Variants in PSMA1 observed in about 807,000 individuals in gnomAD.
PSMA1 encodes the protein proteasome 20S subunit alpha 1.
In PSMA1, 3 loss-of-function variants were observed where a neutral mutation model predicts 38.4. The observed-to-expected ratio is 0.08, with a 90% CI of 0.04 to 0.20. The LOEUF is 0.20. PSMA1 is among the 10% of genes least tolerant of loss of function. PSMA1 has a pLI of 1.00. For synonymous variants in PSMA1, 101 were observed against 107.1 expected, an observed-to-expected ratio of 0.94 and a Z score of 0.35; for missense variants, 227 against 325.3, an observed-to-expected ratio of 0.70 and a Z score of 2.32.
chr11:14,517,487 A>G (rs1407044593), intron 4 of PSMA1, among the ~76,000 whole-genome samples, 155 bp downstream of exon 4: 1 of 152,246 alleles, frequency 6.6e-6, no homozygotes, highest in African/African-American at 2.4e-5. Context: ...AAAATGGAAA[A>G]TTTAATAACA....
At chr11:14,635,691 C>A (rs1409345534) in intron 1 of PSMA1, among the ~76,000 whole-genome samples, 2 of 152,064 alleles carry the variant, frequency 1.3e-5, no homozygotes, top group Non-Finnish European at 2.9e-5. Flanking sequence ...CCATCGGAAT[C>A]TTTTCAAAAG....
chr11:14,553,438 CA>C (rs1202339340), intron 2 of PSMA1, among the ~76,000 whole-genome samples: 1 of 152,130 alleles, frequency 6.6e-6, no homozygotes, highest in Non-Finnish European at 1.5e-5. Context: ...TTTATTACTA[CA>C]AATATCCCAA....
chr11:14,546,312 AC>A (rs1370012394), intron 2 of PSMA1, among the ~76,000 whole-genome samples: 1 of 151,552 alleles, frequency 6.6e-6, no homozygotes, highest in African/African-American at 2.4e-5. Flanking sequence ...TTTTTTCTCC[AC>A]CCTGCCCCCC....
At chr11:14,614,487 C>T (rs937734195) in intron 1 of PSMA1, among the ~76,000 whole-genome samples, 4 of 151,998 alleles carry the variant, frequency 2.6e-5, no homozygotes, top group African/African-American at 9.7e-5. Context: ...TTCTACTGTT[C>T]ATTGCCAACT....
At chr11:14,632,081 C>G (rs1342649147) in intron 1 of PSMA1, among the ~76,000 whole-genome samples, 1 of 137,964 alleles carries the variant, frequency 7.2e-6, no homozygotes, top group African/African-American at 2.8e-5. Flanking sequence ...AGATGGGTTT[C>G]CTGAATACAG....
At chr11:14,531,353 C>T (rs993657158) in intron 2 of PSMA1, among the ~76,000 whole-genome samples, 3 of 152,088 alleles carry the variant, frequency 2.0e-5, no homozygotes, top group Non-Finnish European at 2.9e-5. Context: ...ATGTTCAGCT[C>T]GCATTTATAA....
chr11:14,611,900 C>G (rs527999412), intron 1 of PSMA1, among the ~76,000 whole-genome samples: 3 of 152,196 alleles, frequency 2.0e-5, no homozygotes, highest in Non-Finnish European at 4.4e-5. Context: ...GATTCTCCAG[C>G]CTCTATCCCC....
At position 14,605,208 on chromosome 11, in the gene PSMA1, C is replaced by A. The variant is rs550672032; in HGVS notation, c.21+5758G>T. Among the ~76,000 whole-genome samples the A allele has an allele frequency of 1.1e-4, 17 of 152,226 alleles. No homozygotes were observed. In the South Asian group the frequency reaches 3.3e-3, roughly 30 times the overall value. On this transcript the variant is annotated intron_variant, in intron 2 of 10. Coordinates refer to the PSMA1 transcript ENST00000418988. The stretch of plus-strand genomic sequence containing the variant: ...TCCCTTTTCTCTGAAGCCTTGCCAA[C>A]AGCTGTTGTTTTTTGACTTTTAATA...
At chr11:14,565,036 C>T (rs1001671948) in intron 2 of PSMA1, among the ~76,000 whole-genome samples, 1 of 152,152 alleles carries the variant, frequency 6.6e-6, no homozygotes, top group East Asian at 1.9e-4. Flanking sequence ...GCCTCAGCCT[C>T]CCAAAGTGCT....
chr11:14,621,223 A>G (rs1171677162), intron 1 of PSMA1, among the ~76,000 whole-genome samples: 1 of 152,146 alleles, frequency 6.6e-6, no homozygotes, highest in Non-Finnish European at 1.5e-5. Context: ...CTTTATTAGT[A>G]AAAAGCATTT....
intron 2 of PSMA1, among the ~76,000 whole-genome samples, chr11:14,579,167 C>T (rs987434791): frequency 6.6e-6 from 1 of 152,192 alleles, no homozygotes; most frequent in African/African-American, 2.4e-5. Flanking sequence ...CTACAAACCT[C>T]GTGACTTAAA....
chr11:14,630,231 C>G (rs1193496057), intron 1 of PSMA1, among the ~76,000 whole-genome samples: 1 of 152,154 alleles, frequency 6.6e-6, no homozygotes, highest in African/African-American at 2.4e-5. Flanking sequence ...GAGGGCATCC[C>G]TGTCTTATGC....
At chr11:14,600,244 A>C (rs903461928) in intron 2 of PSMA1, among the ~76,000 whole-genome samples, 1 of 152,206 alleles carries the variant, frequency 6.6e-6, no homozygotes, top group African/African-American at 2.4e-5. Flanking sequence ...CTCAGAGCTC[A>C]AACGCTATGC....
chr11:14,639,549 GA>G (rs1209784156), intron 1 of PSMA1, among the ~76,000 whole-genome samples: 1 of 152,212 alleles, frequency 6.6e-6, no homozygotes. Context: ...ATTCTTGTTT[GA>G]AGAATATATT....
At chr11:14,642,037 G>A (rs1853210356) in intron 1 of PSMA1, among the ~76,000 whole-genome samples, 2 of 152,168 alleles carry the variant, frequency 1.3e-5, no homozygotes, top group Non-Finnish European at 2.9e-5. Flanking sequence ...ACTCCCTACC[G>A]TTTCCATGAT....
At chr11:14,524,119 A>C, upstream of PSMA1, among the ~76,000 whole-genome samples, 1 of 148,840 alleles carries the variant, frequency 6.7e-6, no homozygotes, top group Non-Finnish European at 1.5e-5. Flanking sequence ...CAAAAAAAAA[A>C]AAAAAAAAAA....
At chr11:14,532,615 A>G (rs1851659880) in intron 2 of PSMA1, among the ~76,000 whole-genome samples, 1 of 150,422 alleles carries the variant, frequency 6.6e-6, no homozygotes, top group Non-Finnish European at 1.5e-5. Flanking sequence ...AAAAAAAAAA[A>G]AAAAGGGGGA....
At chr11:14,533,606 C>T (rs1002245323) in intron 2 of PSMA1, among the ~76,000 whole-genome samples, 3 of 148,014 alleles carry the variant, frequency 2.0e-5, no homozygotes, top group African/African-American at 5.0e-5. Flanking sequence ...TTAATAGAAA[C>T]GGGGTCTCAC....
intron 1 of PSMA1, among the ~76,000 whole-genome samples, chr11:14,634,197 C>CG (rs1425706226): frequency 2.6e-5 from 4 of 152,186 alleles, no homozygotes; most frequent in African/African-American, 4.8e-5. Context: ...TCATCCCCCC[C>CG]GGTCTGTGGA....
Sources: gnomAD v4.1 joint callset for allele counts (sites outside exome capture counted in the v4.1 genomes callset) on GRCh38, gnomAD v4.1.1 for gene constraint, MANE v1.5 for transcripts, NCBI Gene and HGNC (gene_info 2026-07-23, HGNC 2026-07-21) for gene names.